The following PLEKHA8 variants were observed in gnomAD, a reference collection of about 807,000 sequenced individuals.
PLEKHA8 encodes pleckstrin homology domain-containing family A member 8.
A neutral mutation model predicts 68.2 loss-of-function variants in PLEKHA8; 36 were observed. The observed-to-expected ratio is 0.53, with a 90% confidence interval of 0.40 to 0.70. The LOEUF (loss-of-function observed/expected upper bound fraction) is 0.70, where lower values mean the gene tolerates loss of function less well. PLEKHA8 is among the 30% of genes least tolerant of loss of function. The pLI is 0.00. For missense variants in PLEKHA8, 505 were observed against 615.4 expected, an observed-to-expected ratio of 0.82 and a Z score of 1.90; for synonymous variants, 211 against 216.1, an observed-to-expected ratio of 0.98 and a Z score of 0.20.
intron 2 of PLEKHA8, 24 bp from the exon 3 acceptor site, chr7:30,046,186 G>A (rs553264044): frequency 1.3e-6 from 2 of 1,542,680 alleles, no homozygotes; most frequent in African/African-American, 2.7e-5. Flanking sequence ...CTGAGTCTCT[G>A]ATCTCCCTCT....
Position 30,082,162 on chromosome 7 carries a change from C to T in PLEKHA8, c.*3375C>T, listed in dbSNP as rs1794966939. On this transcript the variant is annotated 3_prime_UTR_variant, in exon 14 of 14. Coordinates refer to ENST00000449726, the MANE Select transcript of PLEKHA8 (RefSeq NM_001197026.2). ...ATGTATAAGTAGTGGCTTGAGGCACCTTCTTATCATTTTTTGCATGTTATT... is the reference window on the plus strand; with the variant it reads ...ATGTATAAGTAGTGGCTTGAGGCACTTTCTTATCATTTTTTGCATGTTATT... The T allele has an allele frequency of 3.0e-6, 3 of 985,268 alleles. No homozygotes were observed. Among genetic ancestry groups the T allele is most frequent in the South Asian group, 9.4e-5 (2 of 21,280 alleles). 61.0% of individuals were successfully genotyped at this position (985,268 alleles called of 1,614,324 possible).
chr7:30,114,689 A>G (rs1796372844), intron 13 of PLEKHA8, among the ~76,000 whole-genome samples: 2 of 152,142 alleles, frequency 1.3e-5, no homozygotes, highest in African/African-American at 4.8e-5. Flanking sequence ...TTGTGAGCTT[A>G]TCTTTAAAGA....
chr7:30,077,922 A>G (rs536367898), intron 13 of PLEKHA8, among the ~76,000 whole-genome samples: 17 of 152,308 alleles, frequency 1.1e-4, no homozygotes, highest in African/African-American at 4.1e-4. Context: ...TGAAAAACAC[A>G]GAGATGATCC....
At chr7:30,118,996 C>G (rs1471010607) in intron 13 of PLEKHA8, among the ~76,000 whole-genome samples, 1 of 152,250 alleles carries the variant, frequency 6.6e-6, no homozygotes, top group Non-Finnish European at 1.5e-5. Flanking sequence ...AGTCCCATGT[C>G]TGTCTTCCTC....
intron 1 of PLEKHA8, among the ~76,000 whole-genome samples, chr7:30,041,256 A>T (rs1312384428): frequency 2.0e-5 from 3 of 152,212 alleles, no homozygotes; most frequent in Non-Finnish European, 4.4e-5. Flanking sequence ...TTTTGTGCTT[A>T]TAAGAAAAGT....
At chr7:30,058,003 T>G (rs1281895994) in intron 9 of PLEKHA8, among the ~76,000 whole-genome samples, 1 of 152,222 alleles carries the variant, frequency 6.6e-6, no homozygotes, top group African/African-American at 2.4e-5. Flanking sequence ...TCCTGAATGT[T>G]TTAGTGGTAT....
chr7:30,044,390 G>A (rs1458122215), intron 1 of PLEKHA8, among the ~76,000 whole-genome samples: 1 of 151,988 alleles, frequency 6.6e-6, no homozygotes, highest in Admixed American at 6.5e-5. Flanking sequence ...TAGAACATAG[G>A]GTGTGTGAGA....
At chr7:30,109,089 A>G (rs2128016103) in intron 13 of PLEKHA8, among the ~76,000 whole-genome samples, 1 of 152,310 alleles carries the variant, frequency 6.6e-6, no homozygotes, top group Non-Finnish European at 1.5e-5. Context: ...ATGGTAGTTT[A>G]TATACCGTTA....
In PLEKHA8 at chr7:30,079,019, A is replaced by G. The variant is rs1013500360; in HGVS notation, c.*232A>G. 112 of 1,298,830 alleles carry G rather than the reference A, an allele frequency of 8.6e-5. No individual in the cohort carries two copies. The highest frequency in any genetic ancestry group is 1.1e-4 in the Non-Finnish European group (108 of 1,024,164). 80.5% of individuals were successfully genotyped at this position (1,298,830 alleles called of 1,614,324 possible). On this transcript the variant is annotated 3_prime_UTR_variant, in exon 14 of 14. Coordinates refer to ENST00000449726, the MANE Select transcript of PLEKHA8 (RefSeq NM_001197026.2). The stretch of plus-strand genomic sequence containing the variant: ...CAGGCCTACTGGAAACCAAATGATA[A>G]GCTGCTGTAGACTTGAACAGCAAGT...
chr7:30,117,841 A>G lies in PLEKHA8; in HGVS notation c.1363-11425A>G, dbSNP rs558677954. ...TGAAGGCACAAAGCTTATGTTGCCA[A>G]CAAGATATTAGAAACAGAAGTATAA... On this transcript the variant is annotated intron_variant, in intron 13 of 13. Transcript: ENST00000396257. The G allele has an allele frequency of 4.3e-5, 23 of 530,112 alleles. No homozygotes were observed. In the African/African-American group the frequency reaches 4.5e-4, roughly 10 times the overall value. The allele number at this position is 530,112 out of a possible 1,614,324, so 32.8% of individuals were successfully genotyped here.
Position 30,081,655 on chromosome 7 carries a change from T to C in PLEKHA8, c.*2868T>C. On this transcript the variant is annotated 3_prime_UTR_variant, in exon 14 of 14. Transcript: ENST00000449726. ...TATTTTGTTGGCAGAGTAATCACTT[T>C]GTTCTCATCGCTCAAAGCATTTTTA... is the stretch of plus-strand genomic sequence containing the variant. 1 of 985,370 alleles carries C rather than the reference T, an allele frequency of 1.0e-6. No homozygotes were observed. The highest frequency in any genetic ancestry group is 1.2e-6 in the Non-Finnish European group (1 of 829,864). The allele number at this position is 985,370 out of a possible 1,614,324, so 61.0% of individuals were successfully genotyped here. A position where few individuals can be genotyped will look rare whatever the true frequency, so the allele number is the denominator to read the frequency against.
intron 9 of PLEKHA8, among the ~76,000 whole-genome samples, chr7:30,056,281 T>C (rs1179751043): frequency 3.7e-5 from 2 of 54,578 alleles, no homozygotes; most frequent in African/African-American, 5.7e-5. Flanking sequence ...AGATATATTC[T>C]CTCTCTCTCT....
At position 30,084,422 on chromosome 7, in the gene PLEKHA8, T is replaced by G. The variant is rs562540628; in HGVS notation, c.*5635T>G. ...AAAAGTGTCAAGTGGCTTGTTAACTTCTTAATTTAATGGACCTTTACTTAG... is the reference window on the plus strand; with the variant it reads ...AAAAGTGTCAAGTGGCTTGTTAACTGCTTAATTTAATGGACCTTTACTTAG... On this transcript the variant is annotated 3_prime_UTR_variant, in exon 14 of 14. Coordinates refer to ENST00000449726, the MANE Select transcript of PLEKHA8 (RefSeq NM_001197026.2). 12 of 985,304 alleles carry G rather than the reference T, an allele frequency of 1.2e-5. No individual in the cohort carries two copies. Among genetic ancestry groups the G allele is most frequent in the Non-Finnish European group, 1.4e-5 (12 of 829,838 alleles). 61.0% of individuals were successfully genotyped at this position (985,304 alleles called of 1,614,324 possible). A position where few individuals can be genotyped will look rare whatever the true frequency, so the allele number is the denominator to read the frequency against.
At chr7:30,057,244 T>A (rs969124988) in intron 9 of PLEKHA8, among the ~76,000 whole-genome samples, 8 of 152,132 alleles carry the variant, frequency 5.3e-5, no homozygotes, top group Admixed American at 5.2e-4. Flanking sequence ...CACCATAGGT[T>A]AGTTCTGCCT....
At position 30,120,994 on chromosome 7, in the gene PLEKHA8, T is replaced by G. The variant is rs569920984; in HGVS notation, c.1363-8272T>G. ...TAGTAACATATTGACACCAGAGAAC[T>G]GACTTTTTCTTTACCAAATCAATCA... On this transcript the variant is annotated intron_variant, in intron 13 of 13. Transcript: ENST00000396257. Among the ~76,000 whole-genome samples the G allele has an allele frequency of 4.6e-5, 7 of 151,942 alleles. No individual in the cohort carries two copies. In the East Asian group the frequency reaches 7.8e-4, roughly 17 times the overall value.
At chr7:30,091,940 A>G (rs1256302135), downstream of PLEKHA8, among the ~76,000 whole-genome samples, 2 of 152,236 alleles carry the variant, frequency 1.3e-5, no homozygotes, top group African/African-American at 4.8e-5. Flanking sequence ...ATGGAGCAGT[A>G]AACTTTATTC....
chr7:30,028,699 T>C lies in PLEKHA8; in HGVS notation c.-64T>C. The C allele has an allele frequency of 8.4e-7, 1 of 1,186,668 alleles. No individual in the cohort carries two copies. The highest frequency in any genetic ancestry group is 4.3e-5 in the South Asian group (1 of 23,358). 73.5% of individuals were successfully genotyped at this position (1,186,668 alleles called of 1,614,324 possible). A position where few individuals can be genotyped will look rare whatever the true frequency, so the allele number is the denominator to read the frequency against. ...GCGATGGCCCTGCTGCTGGTGCTCC[T>C]CGCCTCTTGGGGCCTGGGGCAGTGA... On this transcript the variant is annotated 5_prime_UTR_variant, in exon 1 of 14. Coordinates refer to ENST00000449726, the MANE Select transcript of PLEKHA8 (RefSeq NM_001197026.2).
In PLEKHA8 at chr7:30,109,764, C is replaced by T. The variant is rs1796208212; in HGVS notation, c.1363-19502C>T. 3.3e-5 allele frequency among the ~76,000 whole-genome samples: 5 copies of T among 150,936 alleles called. No individual in the cohort carries two copies. In the South Asian group the frequency reaches 8.4e-4, roughly 25 times the overall value. On this transcript the variant is annotated intron_variant, in intron 13 of 13. Coordinates refer to the PLEKHA8 transcript ENST00000396257. ...ACGCCTCACTGCAACCTTCGCCTCC[C>T]GGGCTCAAGCAATCCTTTCATCTTA...
intron 13 of PLEKHA8, among the ~76,000 whole-genome samples, chr7:30,126,098 T>C (rs1377797903): frequency 6.6e-6 from 1 of 151,774 alleles, no homozygotes; most frequent in East Asian, 1.9e-4. Context: ...TTTTTTTCAC[T>C]CTGAGGCTTG....
Sources: gnomAD v4.1 joint callset for allele counts (sites outside exome capture counted in the v4.1 genomes callset) on GRCh38, gnomAD v4.1.1 for gene constraint, MANE v1.5 for transcripts, NCBI Gene and HGNC (gene_info 2026-07-23, HGNC 2026-07-21) for gene names.